The following NLGN1 variants were observed in gnomAD, a reference collection of about 807,000 sequenced individuals.
The protein encoded by NLGN1 is neuroligin 1, also known as neuroligin-1.
Under a neutral mutation model 65.5 loss-of-function variants are expected in NLGN1, and 12 were observed. The ratio of observed to expected loss-of-function variants is 0.18; its 90% CI spans 0.12 to 0.30. The LOEUF is 0.30. NLGN1 is among the 10% of genes least tolerant of loss of function. NLGN1 has a pLI of 1.00. For synonymous variants in NLGN1, 350 were observed against 359.5 expected (o/e 0.97, Z 0.30); for missense variants, 750 against 1,007.1 (o/e 0.74, Z 3.46).
chr3:173,993,654 T>C (rs376153760), intron 4 of NLGN1, among the ~76,000 whole-genome samples: 11 of 147,282 alleles, frequency 7.5e-5, no homozygotes, highest in Non-Finnish European at 1.6e-4. Flanking sequence ...GCTAGATAGA[T>C]GATAGATAGA....
At chr3:174,003,641 ATCTC>A (rs1297167764) in intron 4 of NLGN1, among the ~76,000 whole-genome samples, 1 of 152,130 alleles carries the variant, frequency 6.6e-6, no homozygotes, top group Non-Finnish European at 1.5e-5. Context: ...ACTCTAACAT[ATCTC>A]TCTCTGTATA....
intron 2 of NLGN1, among the ~76,000 whole-genome samples, chr3:173,539,215 C>A (rs1181571237): frequency 1.3e-5 from 2 of 151,754 alleles, no homozygotes; most frequent in African/African-American, 4.8e-5. Flanking sequence ...TAGCTCTTTT[C>A]TTCCTCTGTC....
chr3:174,208,318 G>A (rs1194582385), intron 4 of NLGN1, among the ~76,000 whole-genome samples: 1 of 152,156 alleles, frequency 6.6e-6, no homozygotes, highest in Non-Finnish European at 1.5e-5. Flanking sequence ...AAAGCAAAGG[G>A]CAGGGGTGAG....
At chr3:173,424,170 A>AG (rs1715665631) in intron 1 of NLGN1, among the ~76,000 whole-genome samples, 1 of 152,158 alleles carries the variant, frequency 6.6e-6, no homozygotes, top group Admixed American at 6.5e-5. Flanking sequence ...AATGCAGGGC[A>AG]CTAAGTTCTG....
intron 2 of NLGN1, among the ~76,000 whole-genome samples, chr3:173,574,062 CAAAAA>C (rs1192427397): frequency 1.9e-5 from 1 of 51,918 alleles, no homozygotes; most frequent in African/African-American, 7.9e-5. Context: ...GACTCCACCT[CAAAAA>C]AAAAAAAAAA....
chr3:173,706,698 G>A (rs1012824011), intron 3 of NLGN1, among the ~76,000 whole-genome samples: 4 of 152,282 alleles, frequency 2.6e-5, no homozygotes, highest in South Asian at 2.1e-4. Context: ...GGGTATTTAC[G>A]TACAGATATC....
At chr3:174,216,784 AT>A (rs1281729018) in intron 4 of NLGN1, among the ~76,000 whole-genome samples, 1 of 152,078 alleles carries the variant, frequency 6.6e-6, no homozygotes, top group Non-Finnish European at 1.5e-5. Context: ...TGTGAAATTG[AT>A]GACTGCCCCA....
intron 4 of NLGN1, among the ~76,000 whole-genome samples, chr3:174,015,039 T>C (rs2152448337): frequency 1.3e-5 from 2 of 152,296 alleles, no homozygotes; most frequent in East Asian, 3.9e-4. Flanking sequence ...GTGATTTTCA[T>C]GTGGAGAAAA....
At chr3:173,683,387 G>T (rs927707316) in intron 3 of NLGN1, among the ~76,000 whole-genome samples, 4 of 152,060 alleles carry the variant, frequency 2.6e-5, no homozygotes, top group Non-Finnish European at 5.9e-5. Flanking sequence ...GGGAAATAGA[G>T]TTGAAATTCC....
At position 174,035,919 on chromosome 3, in the gene NLGN1, A is replaced by G. The variant is rs543647265; in HGVS notation, c.646+228087A>G. ...GTCCACCCCCCTCATTCCAAGTTAC[A>G]TGACCTTCTGCACGACCAACCTTAT... is the stretch of plus-strand genomic sequence containing the variant. On this transcript the variant is annotated intron_variant, in intron 4 of 6. Coordinates refer to ENST00000457714, the Ensembl canonical transcript of NLGN1. Among the ~76,000 whole-genome samples, 7 of 152,192 alleles carry G rather than the reference A, an allele frequency of 4.6e-5. No homozygotes were observed. The South Asian group carries it at 1.4e-3, about 32-fold the overall frequency.
chr3:174,173,593 T>G (rs1345715714), intron 4 of NLGN1, among the ~76,000 whole-genome samples: 1 of 152,060 alleles, frequency 6.6e-6, no homozygotes, highest in Non-Finnish European at 1.5e-5. Context: ...TTTTTGTCCT[T>G]GATTTTGTTG....
At chr3:173,983,230 A>G (rs1719150164) in intron 4 of NLGN1, among the ~76,000 whole-genome samples, 1 of 152,182 alleles carries the variant, frequency 6.6e-6, no homozygotes, top group East Asian at 1.9e-4. Flanking sequence ...ATTGCCATGT[A>G]CTAGTCAATG....
chr3:173,996,180 A>G (rs1396163553), intron 4 of NLGN1, among the ~76,000 whole-genome samples: 2 of 152,190 alleles, frequency 1.3e-5, no homozygotes, highest in African/African-American at 2.4e-5. Flanking sequence ...TCCTGCTTCT[A>G]TTCAGTGGTG....
chr3:173,806,757 C>T (rs559710819), intron 3 of NLGN1, among the ~76,000 whole-genome samples: 1 of 152,016 alleles, frequency 6.6e-6, no homozygotes, highest in East Asian at 1.9e-4. Flanking sequence ...ATTTCTAGAT[C>T]CTTGTTGAAA....
chr3:174,217,318 G>T (rs1737805268), intron 4 of NLGN1, among the ~76,000 whole-genome samples: 1 of 152,126 alleles, frequency 6.6e-6, no homozygotes, highest in Admixed American at 6.5e-5. Flanking sequence ...CATCTGCAAA[G>T]ACCCTATTTC....
chr3:173,967,075 TCGG>T (rs1715048349), intron 4 of NLGN1, among the ~76,000 whole-genome samples: 1 of 152,172 alleles, frequency 6.6e-6, no homozygotes, highest in East Asian at 1.9e-4. Context: ...TCCCAGGACA[TCGG>T]CATGGAAGTC....
chr3:173,703,686 G>T (rs1014315776), intron 3 of NLGN1, among the ~76,000 whole-genome samples: 2 of 152,088 alleles, frequency 1.3e-5, no homozygotes, highest in African/African-American at 4.8e-5. Flanking sequence ...AGTGTTAACC[G>T]TGAATCCATG....
chr3:173,873,024 A>G (rs1055606802), intron 4 of NLGN1, among the ~76,000 whole-genome samples: 2 of 152,092 alleles, frequency 1.3e-5, no homozygotes, highest in Admixed American at 1.3e-4. Context: ...GCCCAAGGTC[A>G]ATTGGGGCTG....
chr3:173,912,138 C>A (rs1043650026), intron 4 of NLGN1, among the ~76,000 whole-genome samples: 1 of 152,006 alleles, frequency 6.6e-6, no homozygotes, highest in Non-Finnish European at 1.5e-5. Context: ...CCCTCTGATC[C>A]GAAGAGAGCA....
Sources: allele counts gnomAD v4.1 joint callset (sites outside exome capture counted in the v4.1 genomes callset), GRCh38; gene constraint gnomAD v4.1.1; transcripts MANE v1.5; gene names NCBI Gene and HGNC (gene_info 2026-07-23, HGNC 2026-07-21).